ZBTB34: variants seen among roughly 807,000 people sequenced by gnomAD.
The protein encoded by ZBTB34 is zinc finger and BTB domain-containing protein 34.
In ZBTB34, 1 loss-of-function variant was observed where a neutral mutation model predicts 33.4. That is an observed-to-expected ratio of 0.03 (90% CI 0.01 to 0.14). ZBTB34 has a LOEUF of 0.14. Among genes scored for constraint, ZBTB34 ranks in the 10% least tolerant of loss-of-function variants. The pLI, the probability that ZBTB34 is intolerant of heterozygous loss-of-function variation, is 1.00. For synonymous variants in ZBTB34, 283 were observed against 253.5 expected (o/e 1.12, Z -1.11); for missense variants, 406 against 657.2 (o/e 0.62, Z 4.18).
At chr9:126,876,097 G>A (rs1438968919) in intron 1 of ZBTB34, among the ~76,000 whole-genome samples, 1 of 139,066 alleles carries the variant, frequency 7.2e-6, no homozygotes, top group Admixed American at 8.1e-5. Context: ...TTGGGCTTGG[G>A]TTCTACTAAA....
chr9:126,875,230 A>G (rs984412401), intron 1 of ZBTB34, among the ~76,000 whole-genome samples: 1 of 152,228 alleles, frequency 6.6e-6, no homozygotes, highest in African/African-American at 2.4e-5. Context: ...TGCTGCAGTG[A>G]TGTATTGGGT....
exon 2 of ZBTB34, chr9:126,883,848 C>A (rs2033479858): frequency 6.0e-6 from 1 of 167,118 alleles, no homozygotes; most frequent in Non-Finnish European, 1.5e-5. Flanking sequence ...GAGATTAACT[C>A]CATTCAGATC....
chr9:126,885,156 G>T (rs1413416216), exon 2 of ZBTB34: 1 of 166,966 alleles, frequency 6.0e-6, no homozygotes, highest in Non-Finnish European at 1.5e-5. Flanking sequence ...GTCTTTTTCA[G>T]TAAGTGCCAG....
intron 1 of ZBTB34, among the ~76,000 whole-genome samples, chr9:126,862,421 C>A (rs1164004712): frequency 2.0e-5 from 3 of 152,154 alleles, no homozygotes; most frequent in African/African-American, 7.2e-5. Context: ...TGGCCTCTTG[C>A]CTGCCACGGT....
At chr9:126,878,195 T>C (rs1173574715) in intron 1 of ZBTB34, among the ~76,000 whole-genome samples, 2 of 150,416 alleles carry the variant, frequency 1.3e-5, no homozygotes, top group Non-Finnish European at 3.0e-5. Context: ...AATAGGCCGG[T>C]GTGGTGACTC....
At chr9:126,878,732 T>G (rs181954657) in intron 1 of ZBTB34, among the ~76,000 whole-genome samples, 2,037 of 151,600 alleles carry the variant, frequency 0.013, 54 homozygotes, top group African/African-American at 0.046. Flanking sequence ...TTTTGTTTTT[T>G]TTTTTTTTTT....
chr9:126,869,586 TG>T (rs1222704262), intron 1 of ZBTB34, among the ~76,000 whole-genome samples: 3 of 151,874 alleles, frequency 2.0e-5, no homozygotes, highest in African/African-American at 7.2e-5. Flanking sequence ...CAGGCTGGTG[TG>T]GGGGCGGCTG....
chr9:126,871,328 G>C (rs1184726550), intron 1 of ZBTB34, among the ~76,000 whole-genome samples: 3 of 151,376 alleles, frequency 2.0e-5, no homozygotes, highest in Non-Finnish European at 4.4e-5. Flanking sequence ...GAAAAAAATA[G>C]GTCAGCGTGT....
intron 1 of ZBTB34, among the ~76,000 whole-genome samples, chr9:126,874,668 C>A (rs1467012628): frequency 6.6e-6 from 1 of 152,176 alleles, no homozygotes; most frequent in Non-Finnish European, 1.5e-5. Flanking sequence ...TCTCAAGTGG[C>A]TTCTGTCCTG....
At chr9:126,877,961 G>A (rs1190859783) in intron 1 of ZBTB34, among the ~76,000 whole-genome samples, 4 of 152,082 alleles carry the variant, frequency 2.6e-5, no homozygotes, top group Non-Finnish European at 5.9e-5. Flanking sequence ...CCAAGATCAT[G>A]CCATTGCACT....
chr9:126,868,656 C>A (rs564257894), intron 1 of ZBTB34, among the ~76,000 whole-genome samples: 1 of 152,334 alleles, frequency 6.6e-6, no homozygotes, highest in South Asian at 2.1e-4. Context: ...ACTGCTTGGT[C>A]AGTCCTGGAG....
chr9:126,862,672 AGGGT>A (rs1327386990), intron 1 of ZBTB34, among the ~76,000 whole-genome samples: 1 of 152,072 alleles, frequency 6.6e-6, no homozygotes, highest in East Asian at 1.9e-4. Flanking sequence ...CTTCCTCCAG[AGGGT>A]GTTCCCTGAC....
At position 126,870,787 on chromosome 9, in the gene ZBTB34, C is replaced by T. The variant is rs150785265; in HGVS notation, c.-10-8603C>T. Among the ~76,000 whole-genome samples the T allele has an allele frequency of 3.3e-3, 508 of 152,158 alleles. 1 individual carries two copies. The highest frequency in any genetic ancestry group is 0.012 in the African/African-American group (481 of 41,500). On this transcript the variant is annotated intron_variant, in intron 1 of 1. Transcript: ENST00000319119. ...ACTAAAAATACAAAAATTAGCCAAG[C>T]GTGGTGGCTTGCACCTGTGGCCTGA... is the stretch of plus-strand genomic sequence containing the variant.
At chr9:126,871,522 C>T (rs1033697451) in intron 1 of ZBTB34, among the ~76,000 whole-genome samples, 1 of 151,812 alleles carries the variant, frequency 6.6e-6, no homozygotes. Context: ...GCCACCACAC[C>T]CAGCTAATTT....
In ZBTB34 at chr9:126,880,514, A is replaced by G. The variant is rs748134869; in HGVS notation, c.1115A>G (p.Tyr372Cys). Residue 372 changes from tyrosine (Y) to cysteine (C), a missense_variant, in exon 2 of 2, where the codon TAC (tyrosine) becomes TGC (cysteine). Tyr to Cys is a radical substitution (Grantham distance 194). Coordinates refer to ENST00000319119, the Ensembl canonical transcript of ZBTB34. This position sits in a 1 kb window ranked among gnomAD's most constrained non-coding sequence, Gnocchi z 6.7. ...AGTGCGAGAGGGCATTGGTACCCGTACAATGAGAGGTTGATCTGTATTTAC... is the reference window on the plus strand; with the variant it reads ...AGTGCGAGAGGGCATTGGTACCCGTGCAATGAGAGGTTGATCTGTATTTAC... The G allele has an allele frequency of 2.5e-6, 4 of 1,613,882 alleles. No homozygotes were observed. Among genetic ancestry groups the G allele is most frequent in the South Asian group, 2.2e-5 (2 of 91,084 alleles).
intron 1 of ZBTB34, among the ~76,000 whole-genome samples, chr9:126,863,062 G>A (rs1326202251): frequency 6.6e-6 from 1 of 152,098 alleles, no homozygotes; most frequent in African/African-American, 2.4e-5. Flanking sequence ...ACTTTGAAAC[G>A]TTTCCCTCTG....
rs573457125 is a variant in ZBTB34 at position 126,879,098 on chromosome 9, G to A, written c.-10-292G>A. On this transcript the variant is annotated intron_variant, in intron 1 of 1. Transcript: ENST00000319119. The surrounding 1 kb of genome is among the most constrained non-coding windows in gnomAD (Gnocchi z 6.4). ...AAATGGGGAAATATTTTTCCTAAAA[G>A]GAGACCAATTTCTCAGTCAGAGCCA... Among the ~76,000 whole-genome samples, 25 of 152,276 alleles carry A rather than the reference G, an allele frequency of 1.6e-4. No individual in the cohort carries two copies. Among genetic ancestry groups the A allele is most frequent in the African/African-American group, 5.5e-4 (23 of 41,558 alleles).
chr9:126,863,588 G>A (rs1276215348), intron 1 of ZBTB34: 1 of 497,000 alleles, frequency 2.0e-6, no homozygotes, highest in Non-Finnish European at 2.6e-6. Context: ...TTAATGTTTT[G>A]TAGCTGACAA....
At chr9:126,869,205 C>T (rs1286684094) in intron 1 of ZBTB34, among the ~76,000 whole-genome samples, 2 of 134,890 alleles carry the variant, frequency 1.5e-5, no homozygotes, top group African/African-American at 5.4e-5. Flanking sequence ...ACCCCCCACC[C>T]CATCTCCATC....
Sources: allele counts gnomAD v4.1 joint callset (sites outside exome capture counted in the v4.1 genomes callset), GRCh38; gene constraint gnomAD v4.1.1; non-coding constraint Gnocchi (gnomAD v3.1); transcripts MANE v1.5; gene names NCBI Gene and HGNC (gene_info 2026-07-23, HGNC 2026-07-21).